The following CNTNAP2 variants were observed in gnomAD, a reference collection of about 807,000 sequenced individuals.
CNTNAP2 encodes the protein contactin-associated protein-like 2.
CNTNAP2 carries 98 observed loss-of-function variants against 155.2 expected under a neutral mutation model. The observed-to-expected ratio is 0.63, with a 90% CI of 0.54 to 0.75. The LOEUF is 0.75. Ranked by LOEUF, CNTNAP2 falls within the 30% of genes least tolerant of loss-of-function variation. The pLI is 0.00. For synonymous variants in CNTNAP2, 651 were observed against 631.2 expected, an observed-to-expected ratio of 1.03 and a Z score of -0.47; for missense variants, 1,727 against 1,688.1, an observed-to-expected ratio of 1.02 and a Z score of -0.40.
intron 3 of CNTNAP2, among the ~76,000 whole-genome samples, chr7:146,961,558 T>G (rs1797558869): frequency 6.6e-6 from 1 of 152,182 alleles, no homozygotes; most frequent in South Asian, 2.1e-4. Context: ...TCTTCAGTCT[T>G]CAGTCACTGC....
At chr7:147,175,022 G>T (rs1802309591) in intron 8 of CNTNAP2, among the ~76,000 whole-genome samples, 1 of 151,998 alleles carries the variant, frequency 6.6e-6, no homozygotes, top group Non-Finnish European at 1.5e-5. Flanking sequence ...TTATTAATGG[G>T]GTAAATTTCA....
intron 3 of CNTNAP2, among the ~76,000 whole-genome samples, chr7:146,947,479 A>G (rs1471570027): frequency 7.1e-6 from 1 of 140,286 alleles, no homozygotes; most frequent in Non-Finnish European, 1.5e-5. Flanking sequence ...GTATATATAT[A>G]CTATATATAT....
Position 147,977,902 on chromosome 7 carries a change from C to A in CNTNAP2, c.2296C>A (p.Pro766Thr). ...TTTCTTATCATACAAAGATCACCTG[C>A]CAGTGAGCCAAGTGGTGGTTGGAGA... is the stretch of plus-strand genomic sequence containing the variant. ...AGFLSYKDHLPVSQVVVGDTD... is the reference protein window; with the variant it reads ...AGFLSYKDHLTVSQVVVGDTD... Residue 766 changes from proline (P) to threonine (T), a missense_variant, in exon 15 of 24, where the codon CCA becomes ACA. Coordinates refer to ENST00000361727, the MANE Select transcript of CNTNAP2 (RefSeq NM_014141.6). 6.2e-7 allele frequency: 1 copy of A among 1,614,130 alleles called. No homozygotes were observed. Among genetic ancestry groups the A allele is most frequent in the Non-Finnish European group, 8.5e-7 (1 of 1,180,022 alleles).
intron 1 of CNTNAP2, among the ~76,000 whole-genome samples, chr7:146,521,640 ACCCCAAC>A: frequency 6.6e-6 from 1 of 151,954 alleles, no homozygotes; most frequent in African/African-American, 2.4e-5. Context: ...TATAGAGAAC[ACCCCAAC>A]TATCAGACCT....
intron 21 of CNTNAP2, among the ~76,000 whole-genome samples, chr7:148,374,680 C>A (rs1356117357): frequency 6.6e-6 from 1 of 152,154 alleles, no homozygotes; most frequent in Non-Finnish European, 1.5e-5. Context: ...TAATTTCGTA[C>A]ACAGGATTCT....
intron 9 of CNTNAP2, among the ~76,000 whole-genome samples, chr7:147,332,772 G>GA (rs1175249202): frequency 6.6e-6 from 1 of 152,106 alleles, no homozygotes; most frequent in African/African-American, 2.4e-5. Flanking sequence ...TGAGGCAGGG[G>GA]AATCACTTGA....
intron 3 of CNTNAP2, among the ~76,000 whole-genome samples, chr7:146,879,826 C>T (rs898537549): frequency 1.3e-5 from 2 of 152,008 alleles, no homozygotes; most frequent in African/African-American, 4.8e-5. Flanking sequence ...TAAAGACATA[C>T]TGGAGACTGG....
At chr7:147,393,692 C>T (rs1525217) in intron 9 of CNTNAP2, among the ~76,000 whole-genome samples, 3 of 151,370 alleles carry the variant, frequency 2.0e-5, no homozygotes, top group South Asian at 2.1e-4. Context: ...TAAGTCAATG[C>T]GAATGAAAAA....
intron 15 of CNTNAP2, among the ~76,000 whole-genome samples, chr7:148,018,501 C>A (rs923737895): frequency 6.6e-6 from 1 of 152,090 alleles, no homozygotes; most frequent in South Asian, 2.1e-4. Flanking sequence ...AAAACTCACA[C>A]AATGAACCAG....
Position 148,172,336 on chromosome 7 carries a change from AT to A in CNTNAP2, c.2869del (p.Ser957LeufsTer25). ...ACCTGGAGGAAAGAGCAAAGGTCACATCTGGGTTCATATCCGGATGCTCGGG... is the reference window on the plus strand; with the variant it reads ...ACCTGGAGGAAAGAGCAAAGGTCACACTGGGTTCATATCCGGATGCTCGGG... ...LDLEERAKVT[S>X]GFISGCSGHC... On this transcript the variant is annotated frameshift_variant, in exon 18 of 24. Transcript: ENST00000361727. LOFTEE classifies it high-confidence loss of function. 1 of 1,614,184 alleles carries A rather than the reference AT, an allele frequency of 6.2e-7. No homozygotes were observed. The highest frequency in any genetic ancestry group is 8.5e-7 in the Non-Finnish European group (1 of 1,180,036).
At chr7:147,724,978 G>A (rs1368081807) in intron 13 of CNTNAP2, among the ~76,000 whole-genome samples, 4 of 151,990 alleles carry the variant, frequency 2.6e-5, no homozygotes, top group African/African-American at 9.7e-5. Flanking sequence ...CAGGGTTGAT[G>A]AAGTCAAAGG....
At chr7:147,198,516 G>A (rs1563112802) in intron 8 of CNTNAP2, among the ~76,000 whole-genome samples, 1 of 152,208 alleles carries the variant, frequency 6.6e-6, no homozygotes. Flanking sequence ...ACAGGTGTGA[G>A]CCACCGCGCC....
At chr7:147,030,062 C>T (rs1427648032) in intron 3 of CNTNAP2, among the ~76,000 whole-genome samples, 1 of 152,194 alleles carries the variant, frequency 6.6e-6, no homozygotes, top group Non-Finnish European at 1.5e-5. Context: ...TATAATCTAT[C>T]TGTTCTTCTA....
At chr7:146,971,203 A>G (rs1467234452) in intron 3 of CNTNAP2, among the ~76,000 whole-genome samples, 2 of 128,928 alleles carry the variant, frequency 1.6e-5, no homozygotes, top group African/African-American at 5.7e-5. Context: ...AACTTAAAGT[A>G]TAATTAAAAA....
rs148232918 is a variant in CNTNAP2, at chr7:147,138,866, G to A, written c.1348+6357G>A. 5.0e-3 allele frequency among the ~76,000 whole-genome samples: 757 copies of A among 151,962 alleles called. 4 individuals are homozygous for A. Among genetic ancestry groups the A allele is most frequent in the African/African-American group, 0.017 (706 of 41,486 alleles). On this transcript the variant is annotated intron_variant, in intron 8 of 23. Coordinates refer to ENST00000361727, the MANE Select transcript of CNTNAP2 (RefSeq NM_014141.6). The stretch of plus-strand genomic sequence containing the variant: ...AATAATTTTTTAAAATTCCAAAAAG[G>A]CAATAAAGTTTTAGTAACTTTGTTG...
intron 4 of CNTNAP2, among the ~76,000 whole-genome samples, chr7:147,092,760 T>TAA (rs1800433576): frequency 6.6e-6 from 1 of 152,210 alleles, no homozygotes; most frequent in African/African-American, 2.4e-5. Flanking sequence ...CATACCTCTG[T>TAA]ACTACAAAAA....
At chr7:146,259,937 C>G (rs1393773620) in intron 1 of CNTNAP2, among the ~76,000 whole-genome samples, 1 of 152,224 alleles carries the variant, frequency 6.6e-6, no homozygotes, top group African/African-American at 2.4e-5. Context: ...CCCCTCCCAT[C>G]ACAGACCTGT....
intron 1 of CNTNAP2, among the ~76,000 whole-genome samples, chr7:146,307,465 A>G (rs1800734323): frequency 6.6e-6 from 1 of 152,184 alleles, no homozygotes; most frequent in African/African-American, 2.4e-5. Flanking sequence ...TCTTCACAGA[A>G]CTTGAAAAAA....
chr7:147,634,687 G>C (rs1425423710), intron 12 of CNTNAP2, among the ~76,000 whole-genome samples: 1 of 152,042 alleles, frequency 6.6e-6, no homozygotes, highest in Non-Finnish European at 1.5e-5. Context: ...AGATACATAC[G>C]TGCATGTGTA....
Sources: allele counts gnomAD v4.1 joint callset (sites outside exome capture counted in the v4.1 genomes callset), GRCh38; gene constraint gnomAD v4.1.1; transcripts MANE v1.5; gene names NCBI Gene and HGNC (gene_info 2026-07-23, HGNC 2026-07-21).